Variants in THSD4 observed in about 807,000 individuals in gnomAD.
THSD4 encodes the protein thrombospondin type 1 domain containing 4.
THSD4 carries 69 observed loss-of-function variants against 119.0 expected under a neutral mutation model. The ratio of observed to expected loss-of-function variants is 0.58; its 90% CI spans 0.48 to 0.71. The LOEUF (loss-of-function observed/expected upper bound fraction) is 0.71. Among genes scored for constraint, THSD4 ranks in the 30% least tolerant of loss-of-function variants. The probability of loss-of-function intolerance (pLI) is 0.00; values close to 1 mark genes in which losing one functional copy is unlikely to be tolerated. For missense variants in THSD4, 1,393 were observed against 1,391.1 expected (o/e 1.00, Z -0.02); for synonymous variants, 524 against 540.4 (o/e 0.97, Z 0.42).
chr15:71,438,800 T>G (rs765061550), intron 7 of THSD4, among the ~76,000 whole-genome samples: 3 of 152,250 alleles, frequency 2.0e-5, no homozygotes, highest in Non-Finnish European at 2.9e-5. Context: ...TTTGCTTTGC[T>G]CGGGGCTAAT....
intron 6 of THSD4, among the ~76,000 whole-genome samples, chr15:71,317,204 G>A (rs201398414): frequency 1.3e-5 from 2 of 152,214 alleles, no homozygotes; most frequent in Non-Finnish European, 2.9e-5. Flanking sequence ...GAAGTGAGGA[G>A]TAGCCATAAA....
At chr15:71,348,777 A>G (rs1024608611) in intron 6 of THSD4, among the ~76,000 whole-genome samples, 4 of 152,256 alleles carry the variant, frequency 2.6e-5, no homozygotes, top group African/African-American at 9.6e-5. Context: ...TTTAAAAGGA[A>G]TGTGTCACTT....
intron 7 of THSD4, among the ~76,000 whole-genome samples, chr15:71,478,677 A>G (rs1483651989): frequency 1.3e-5 from 2 of 152,246 alleles, no homozygotes; most frequent in African/African-American, 2.4e-5. Context: ...TATGTGGCCT[A>G]AAACACAGTT....
At chr15:71,518,326 T>C (rs930423648) in intron 7 of THSD4, among the ~76,000 whole-genome samples, 2 of 152,122 alleles carry the variant, frequency 1.3e-5, no homozygotes, top group African/African-American at 4.8e-5. Context: ...TTTAAAACGT[T>C]AAATATGGGA....
intron 6 of THSD4, among the ~76,000 whole-genome samples, chr15:71,313,973 G>A (rs1053798639): frequency 2.2e-4 from 33 of 152,272 alleles, no homozygotes; most frequent in African/African-American, 6.3e-4. Context: ...GCTCTGATAC[G>A]GATGATGAGG....
intron 2 of THSD4, among the ~76,000 whole-genome samples, chr15:71,149,831 G>A (rs551987906): frequency 3.3e-5 from 5 of 152,234 alleles, no homozygotes; most frequent in South Asian, 2.1e-4. Context: ...AGATGGTAGC[G>A]GGGGTGGAGA....
chr15:71,490,781 G>A (rs113656082), intron 7 of THSD4, among the ~76,000 whole-genome samples: 8,331 of 152,080 alleles, frequency 0.055, 456 homozygotes, highest in African/African-American at 0.14. Flanking sequence ...GGCAAACTAC[G>A]GTCAATGGGC....
intron 7 of THSD4, among the ~76,000 whole-genome samples, chr15:71,630,700 C>G (rs185107554): frequency 3.9e-5 from 6 of 152,204 alleles, no homozygotes; most frequent in Non-Finnish European, 7.3e-5. Flanking sequence ...AAGGCCCTTC[C>G]AGGAGGGTCT....
At chr15:71,723,591 C>G (rs780730602) in intron 8 of THSD4, among the ~76,000 whole-genome samples, 2 of 152,198 alleles carry the variant, frequency 1.3e-5, no homozygotes, top group Non-Finnish European at 2.9e-5. Context: ...TCTTTTGGAG[C>G]TGGCAGTGTA....
intron 7 of THSD4, among the ~76,000 whole-genome samples, chr15:71,537,355 A>C (rs755319043): frequency 1.4e-4 from 22 of 152,084 alleles, no homozygotes; most frequent in Non-Finnish European, 2.8e-4. Context: ...GATTCTCATT[A>C]AGAGAAAGAA....
At position 71,452,763 on chromosome 15, in the gene THSD4, C is replaced by T. The variant is rs191582976; in HGVS notation, c.1152+40940C>T. ...CCCACGTAGCTGGGATTACAGGTGC[C>T]GCCACCACACCCAGCTGATTTTTGT... On this transcript the variant is annotated intron_variant, in intron 7 of 17. Coordinates refer to ENST00000261862, the MANE Select transcript of THSD4 (RefSeq NM_024817.3). Among the ~76,000 whole-genome samples the T allele has an allele frequency of 2.8e-3, 427 of 152,080 alleles. 2 individuals are homozygous for T. The highest frequency in any genetic ancestry group is 4.8e-3 in the Non-Finnish European group (323 of 67,980).
intron 7 of THSD4, among the ~76,000 whole-genome samples, chr15:71,560,931 C>T (rs1163383203): frequency 4.0e-5 from 6 of 150,570 alleles, no homozygotes; most frequent in Non-Finnish European, 8.8e-5. Flanking sequence ...CTTGCTTAGG[C>T]AGGCTACAAG....
In THSD4 at chr15:71,713,077, C is replaced by A. The variant is rs192663530; in HGVS notation, c.1358-15472C>A. Among the ~76,000 whole-genome samples the A allele has an allele frequency of 1.9e-3, 284 of 152,342 alleles. 10 individuals are homozygous for A. Among genetic ancestry groups the A allele is most frequent in the Admixed American group, 0.018 (271 of 15,314 alleles). On this transcript the variant is annotated intron_variant, in intron 8 of 17. Coordinates refer to ENST00000261862, the MANE Select transcript of THSD4 (RefSeq NM_024817.3). ...CAATAACGAGGTAGCCCAGGCTCCT[C>A]AAGCCAAGGAAACCTGGGAAGTTTA...
At chr15:71,133,682 C>A (rs977275499) in intron 1 of THSD4, among the ~76,000 whole-genome samples, 2 of 152,172 alleles carry the variant, frequency 1.3e-5, no homozygotes, top group Non-Finnish European at 2.9e-5. Flanking sequence ...CTTTGATCTG[C>A]AGTATCATGT....
At chr15:71,503,304 T>C (rs1402755837) in intron 7 of THSD4, among the ~76,000 whole-genome samples, 1 of 152,080 alleles carries the variant, frequency 6.6e-6, no homozygotes, top group Non-Finnish European at 1.5e-5. Context: ...GGGAGGGTGG[T>C]TGGGAAGAAG....
intron 8 of THSD4, among the ~76,000 whole-genome samples, chr15:71,694,023 A>AAAAAG (rs745325754): frequency 5.9e-5 from 9 of 151,978 alleles, no homozygotes; most frequent in Non-Finnish European, 1.0e-4. Flanking sequence ...TCAAAAAAAA[A>AAAAAG]AAAGAAAGAA....
intron 7 of THSD4, among the ~76,000 whole-genome samples, chr15:71,532,673 CAG>C (rs1161611626): frequency 6.6e-6 from 1 of 152,140 alleles, no homozygotes; most frequent in Non-Finnish European, 1.5e-5. Flanking sequence ...ACTCTTTCAC[CAG>C]AGTGTTTGGT....
intron 8 of THSD4, among the ~76,000 whole-genome samples, chr15:71,685,128 G>A (rs1334541368): frequency 6.6e-6 from 1 of 151,468 alleles, no homozygotes; most frequent in African/African-American, 2.4e-5. Flanking sequence ...CCAGCTCTCA[G>A]GTTCTTATGT....
chr15:71,718,148 C>CA (rs55879700), intron 8 of THSD4, among the ~76,000 whole-genome samples: 3,295 of 123,142 alleles, frequency 0.027, 104 homozygotes, highest in African/African-American at 0.093. Flanking sequence ...GACCCTGTCT[C>CA]AAAAAAAAAA....
Sources: gnomAD v4.1 joint callset for allele counts (sites outside exome capture counted in the v4.1 genomes callset) on GRCh38, gnomAD v4.1.1 for gene constraint, MANE v1.5 for transcripts, NCBI Gene and HGNC (gene_info 2026-07-23, HGNC 2026-07-21) for gene names.